The following PPME1 variants were observed in gnomAD, a reference collection of about 807,000 sequenced individuals.
PPME1 encodes the protein testicular secretory protein Li 39.
A neutral mutation model predicts 56.9 loss-of-function variants in PPME1; 17 were observed. The ratio of observed to expected loss-of-function variants is 0.30; its 90% CI spans 0.20 to 0.45. The LOEUF is 0.45. PPME1 is among the 20% of genes least tolerant of loss of function. PPME1 has a pLI of 1.00. For missense variants in PPME1, 357 were observed against 483.2 expected, an observed-to-expected ratio of 0.74 and a Z score of 2.45; for synonymous variants, 122 against 156.2, an observed-to-expected ratio of 0.78 and a Z score of 1.63.
chr11:74,186,534 G>A (rs928216939), intron 1 of PPME1, among the ~76,000 whole-genome samples: 14 of 152,096 alleles, frequency 9.2e-5, no homozygotes, highest in Non-Finnish European at 1.9e-4. Context: ...TAGTTTTCTC[G>A]TTTGGAAAAT....
At chr11:74,212,855 G>A (rs1161273406) in intron 3 of PPME1, among the ~76,000 whole-genome samples, 1 of 152,184 alleles carries the variant, frequency 6.6e-6, no homozygotes, top group Admixed American at 6.5e-5. Context: ...TATTCAGACA[G>A]TATTTGCCGT....
In PPME1 at chr11:74,171,374, G is replaced by A. The variant is rs1368405594; in HGVS notation, c.-48G>A. The stretch of plus-strand genomic sequence containing the variant: ...ACCGGTTGGGCCACACTCAACGTGG[G>A]ACGAAGCTTCGCCTACTGTTTGACT... On this transcript the variant is annotated 5_prime_UTR_variant, in exon 1 of 14. Coordinates refer to ENST00000328257, the MANE Select transcript of PPME1 (RefSeq NM_016147.3). The A allele has an allele frequency of 1.3e-6, 2 of 1,567,884 alleles. No individual in the cohort carries two copies. The highest frequency in any genetic ancestry group is 2.7e-5 in the African/African-American group (2 of 74,074).
At chr11:74,193,543 A>T (rs1247943632) in intron 1 of PPME1, among the ~76,000 whole-genome samples, 3 of 152,212 alleles carry the variant, frequency 2.0e-5, no homozygotes, top group Non-Finnish European at 2.9e-5. Flanking sequence ...GGGATACTCA[A>T]CCTGTACGGC....
chr11:74,241,486 T>C (rs781074603), intron 9 of PPME1, among the ~76,000 whole-genome samples: 9 of 152,214 alleles, frequency 5.9e-5, no homozygotes, highest in Non-Finnish European at 8.8e-5. Flanking sequence ...AGGCTTTTAT[T>C]ATTTGTCTTG....
chr11:74,185,493 G>A lies in PPME1; in HGVS notation c.101+13971G>A, dbSNP rs147440613. On this transcript the variant is annotated intron_variant, in intron 1 of 13. Transcript: ENST00000328257. ...ACATAAATGCTGACTATTGGGTAAT[G>A]CCACACACGTTGATTTTGAGGGTAA... Among the ~76,000 whole-genome samples the A allele has an allele frequency of 2.8e-4, 42 of 152,228 alleles. No individual in the cohort carries two copies. In the East Asian group the frequency reaches 7.7e-3, roughly 28 times the overall value.
chr11:74,189,637 C>T (rs926469706), intron 1 of PPME1, among the ~76,000 whole-genome samples: 10 of 152,340 alleles, frequency 6.6e-5, no homozygotes, highest in African/African-American at 2.2e-4. Context: ...ATTCTAATCA[C>T]TTCTTATTAG....
At position 74,210,963 on chromosome 11, in the gene PPME1, TTCTC is replaced by T. The variant is rs576239659; in HGVS notation, c.288+6524_288+6527del. The stretch of plus-strand genomic sequence containing the variant: ...CTAGAACAATTATTATGTGAAGATA[TTCTC>T]TCTCTACAAAATCAACTGACAAACT... On this transcript the variant is annotated intron_variant, in intron 3 of 13. Coordinates refer to ENST00000328257, the MANE Select transcript of PPME1 (RefSeq NM_016147.3). 4.4e-3 allele frequency among the ~76,000 whole-genome samples: 666 copies of T among 152,354 alleles called. 1 individual carries two copies. The highest frequency in any genetic ancestry group is 7.7e-3 in the Non-Finnish European group (522 of 68,034).
rs115342095 is a variant in PPME1 at position 74,207,497 on chromosome 11, A to G, written c.288+3052A>G. On this transcript the variant is annotated intron_variant, in intron 3 of 13. Transcript: ENST00000328257. ...GTGGAACTATCAAAGGGATATAACT[A>G]TTAGAAGAAAATTATGTTGTTTTAA... is the stretch of plus-strand genomic sequence containing the variant. 2.8e-3 allele frequency among the ~76,000 whole-genome samples: 427 copies of G among 152,386 alleles called. 3 individuals carry two copies. The highest frequency in any genetic ancestry group is 9.0e-3 in the African/African-American group (376 of 41,602).
chr11:74,244,317 C>G (rs1446458665), intron 9 of PPME1, among the ~76,000 whole-genome samples: 1 of 152,134 alleles, frequency 6.6e-6, no homozygotes, highest in Non-Finnish European at 1.5e-5. Flanking sequence ...TACAGTAGTT[C>G]TGTTTTTAAT....
rs1320054974 is a variant in PPME1 at position 74,252,234 on chromosome 11, ATTTTGTTTTTTT to A, written c.1142+536_1142+547del. The stretch of plus-strand genomic sequence containing the variant: ...AGGCGTACGCCACCGTACCCGGCTA[ATTTTGTTTTTTT>A]TTTTGTTTTTTTTTTTTTTTAGTAA... On this transcript the variant is annotated intron_variant, in intron 13 of 13. Transcript: ENST00000328257. 1.1e-4 allele frequency among the ~76,000 whole-genome samples: 14 copies of A among 133,052 alleles called. No individual in the cohort carries two copies. The South Asian group carries it at 1.6e-3, about 15-fold the overall frequency. The allele number at this position is 133,052 out of a possible 152,430, so 87.3% of individuals were successfully genotyped here.
intron 11 of PPME1, chr11:74,249,693 A>G (rs1859603977): frequency 6.6e-6 from 1 of 152,190 alleles, no homozygotes; most frequent in Non-Finnish European, 1.5e-5. Flanking sequence ...TAATAACACC[A>G]TTGTCCCCTG....
intron 13 of PPME1, chr11:74,252,619 T>A: frequency 2.3e-6 from 1 of 443,660 alleles, no homozygotes; most frequent in East Asian, 7.0e-5. Flanking sequence ...TTGTGGGGAC[T>A]GTCCTGTGCA....
At chr11:74,240,833 T>C (rs1859338056) in intron 9 of PPME1, among the ~76,000 whole-genome samples, 2 of 152,220 alleles carry the variant, frequency 1.3e-5, no homozygotes, top group East Asian at 1.9e-4. Context: ...ACTCTTAATA[T>C]AATCAATTGC....
intron 9 of PPME1, among the ~76,000 whole-genome samples, chr11:74,242,359 A>T (rs1859383345): frequency 6.6e-6 from 1 of 152,156 alleles, no homozygotes; most frequent in African/African-American, 2.4e-5. Context: ...TGCAAGTACC[A>T]CACTGTCTTT....
chr11:74,176,919 C>T (rs543403621), intron 1 of PPME1, among the ~76,000 whole-genome samples: 5 of 151,548 alleles, frequency 3.3e-5, no homozygotes, highest in East Asian at 2.0e-4. Context: ...TTAGTAGAGA[C>T]GGGGTTTCAT....
rs1037681141 is a variant in PPME1, at chr11:74,177,147, C to T, written c.101+5625C>T. On this transcript the variant is annotated intron_variant, in intron 1 of 13. Transcript: ENST00000328257. ...AAATTTTTTAGTCCTTTACCCATTA[C>T]GTAAATTTCACTACAATAAAGAAAT... Among the ~76,000 whole-genome samples the T allele has an allele frequency of 6.6e-5, 10 of 151,986 alleles. No homozygotes were observed. In the East Asian group the frequency reaches 1.5e-3, roughly 23 times the overall value.
chr11:74,187,699 A>G (rs559087592), intron 1 of PPME1, among the ~76,000 whole-genome samples: 11 of 152,340 alleles, frequency 7.2e-5, no homozygotes, highest in African/African-American at 2.2e-4. Context: ...AGTTTAATCA[A>G]TATCTCTGCT....
intron 3 of PPME1, among the ~76,000 whole-genome samples, chr11:74,213,224 T>C (rs1336712950): frequency 6.6e-6 from 1 of 152,150 alleles, no homozygotes; most frequent in African/African-American, 2.4e-5. Context: ...CTGGGGTAGT[T>C]GTAGCCATGG....
At chr11:74,222,185 G>A in intron 3 of PPME1, 127 bp from the exon 4 acceptor site, 1 of 703,424 alleles carries the variant, frequency 1.4e-6, no homozygotes, top group Non-Finnish European at 2.4e-6. Flanking sequence ...CTTAAAACTA[G>A]AAAGTCTTTT....
Sources: gnomAD v4.1 joint callset for allele counts (sites outside exome capture counted in the v4.1 genomes callset) on GRCh38, gnomAD v4.1.1 for gene constraint, MANE v1.5 for transcripts, NCBI Gene and HGNC (gene_info 2026-07-23, HGNC 2026-07-21) for gene names.